KDM4D: variants seen among roughly 807,000 people sequenced by gnomAD.
The protein encoded by KDM4D is lysine demethylase 4D, also known as lysine-specific demethylase 4D.
For missense variants in KDM4D, 427 were observed against 674.8 expected, an observed-to-expected ratio of 0.63 and a Z score of 4.07; for synonymous variants, 254 against 249.1, an observed-to-expected ratio of 1.02 and a Z score of -0.19.
chr11:94,996,500 G>A (rs1258116928), intron 2 of KDM4D, among the ~76,000 whole-genome samples: 2 of 152,214 alleles, frequency 1.3e-5, no homozygotes, highest in Non-Finnish European at 2.9e-5. Flanking sequence ...ATGCAATTGT[G>A]TAATAGGTAT....
At chr11:94,980,908 T>C (rs1857837130) in intron 2 of KDM4D, among the ~76,000 whole-genome samples, 1 of 152,158 alleles carries the variant, frequency 6.6e-6, no homozygotes, top group African/African-American at 2.4e-5. Context: ...CCTTCTTTTT[T>C]CCTTGCCTTC....
At chr11:94,976,975 A>C (rs1255422433) in intron 2 of KDM4D, among the ~76,000 whole-genome samples, 2 of 152,210 alleles carry the variant, frequency 1.3e-5, no homozygotes, top group Non-Finnish European at 2.9e-5. Context: ...GCCAAAAACA[A>C]GTCAATAAAT....
rs781929797 is a variant in KDM4D, at chr11:94,998,078, C to T, written c.706C>T (p.Arg236Trp). The T allele has an allele frequency of 8.1e-6, 13 of 1,613,990 alleles. No homozygotes were observed. The highest frequency in any genetic ancestry group is 6.7e-5 in the Admixed American group (4 of 60,006). ...CAGGGAGCTCTTCCCAGGCAGTTCC[C>T]GGGGTTGTGGGGCCTTCCTGCGGCA... ...LARELFPGSS[R>W]GCGAFLRHKV... Residue 236 changes from arginine to tryptophan, a missense_variant, in exon 3 of 3, where the codon CGG (arginine) becomes TGG (tryptophan). Physicochemically the swap from Arg to Trp is moderately radical, Grantham distance 101. Coordinates refer to ENST00000335080, the MANE Select transcript of KDM4D (RefSeq NM_018039.3). The surrounding 1 kb of genome is among the most constrained non-coding windows in gnomAD (Gnocchi z 6.7).
rs1236304039 is a variant in KDM4D at position 94,987,369 on chromosome 11, G to A, written c.-349-9655G>A. On this transcript the variant is annotated intron_variant, in intron 2 of 2. Transcript: ENST00000335080. ...TGAAGCAAATTTGATAAAATATTAAGGTTTCAGTTCTGGCTGGTTGGAATG... is the reference window on the plus strand; with the variant it reads ...TGAAGCAAATTTGATAAAATATTAAAGTTTCAGTTCTGGCTGGTTGGAATG... Among the ~76,000 whole-genome samples the A allele has an allele frequency of 3.9e-5, 6 of 152,132 alleles. 1 individual carries two copies. The highest frequency in any genetic ancestry group is 8.8e-5 in the Non-Finnish European group (6 of 68,020).
intron 2 of KDM4D, 117 bp downstream of exon 2, chr11:94,975,865 A>C (rs1385472834): frequency 6.6e-6 from 1 of 152,184 alleles, no homozygotes; most frequent in African/African-American, 2.4e-5. Context: ...TTTATGTTCC[A>C]ACTGTCCTCA....
rs1555099556 is a variant in KDM4D, at chr11:94,998,428, A to C, written c.1056A>C (p.Val352=). 1 of 1,613,612 alleles carries C rather than the reference A, an allele frequency of 6.2e-7. No individual in the cohort carries two copies. Among genetic ancestry groups the C allele is most frequent in the African/African-American group, 1.3e-5 (1 of 74,982 alleles). The change falls in exon 3 of 3, where the codon GTA becomes GTC. Residue 352 remains valine, a synonymous_variant. Coordinates refer to ENST00000335080, the MANE Select transcript of KDM4D (RefSeq NM_018039.3). The surrounding 1 kb of genome is among the most constrained non-coding windows in gnomAD (Gnocchi z 6.7). ...TTGTGGACCACATGGAGCCCAGGGT[A>C]CCAGCCAGCCAAGAGCTGAGCACCC... is the stretch of plus-strand genomic sequence containing the variant. ...RAVVDHMEPR[V]PASQELSTQK...
At chr11:94,991,757 G>T (rs1555098706) in intron 2 of KDM4D, among the ~76,000 whole-genome samples, 1 of 150,338 alleles carries the variant, frequency 6.7e-6, no homozygotes, top group Admixed American at 6.6e-5. Flanking sequence ...AATAAGAGGA[G>T]TTAATACACA....
Position 94,998,499 on chromosome 11 carries a change from A to G in KDM4D, c.1127A>G (p.Gln376Arg). The change falls in exon 3 of 3, where the codon CAA (glutamine) becomes CGA (arginine). Residue 376 changes from glutamine to arginine, a missense_variant. Transcript: ENST00000335080. The surrounding 1 kb of genome is among the most constrained non-coding windows in gnomAD (Gnocchi z 6.7). ...LPRRAALGLR[Q>R]LPSHWARHSP... ...AGGAGAGCAGCGCTGGGCCTGAGAC[A>G]ACTCCCTTCCCACTGGGCCCGGCAT... 6.2e-7 allele frequency: 1 copy of G among 1,612,268 alleles called. No homozygotes were observed.
In KDM4D at chr11:94,999,460, TA is replaced by T. The variant is rs1331123043; in HGVS notation, c.*517del. On this transcript the variant is annotated 3_prime_UTR_variant, in exon 3 of 3. Transcript: ENST00000335080. ...TTCTGAGTTATTTATGTACTTAAAATATGTTGTCACAGTATTTGTTCCCAAA... is the reference window on the plus strand; with the variant it reads ...TTCTGAGTTATTTATGTACTTAAAATTGTTGTCACAGTATTTGTTCCCAAA... The T allele has an allele frequency of 6.0e-6, 1 of 166,600 alleles. No homozygotes were observed. The highest frequency in any genetic ancestry group is 2.4e-5 in the African/African-American group (1 of 41,472). The allele number at this position is 166,600 out of a possible 1,614,324, so 10.3% of individuals were successfully genotyped here.
rs1555099518 is a variant in KDM4D, at chr11:94,998,323, G to A, written c.951G>A (p.Val317=). ...ASQCSCGEAR[V]TFSMDAFVRI... The stretch of plus-strand genomic sequence containing the variant: ...AGTGTAGCTGTGGGGAGGCAAGGGT[G>A]ACCTTTTCCATGGATGCCTTCGTGC... The change falls in exon 3 of 3, where the codon GTG becomes GTA. Residue 317 remains valine, a synonymous_variant. Transcript: ENST00000335080. The surrounding 1 kb of genome is among the most constrained non-coding windows in gnomAD (Gnocchi z 6.7). The A allele has an allele frequency of 1.2e-6, 2 of 1,614,202 alleles. No individual in the cohort carries two copies. Among genetic ancestry groups the A allele is most frequent in the South Asian group, 1.1e-5 (1 of 91,082 alleles).
intron 2 of KDM4D, among the ~76,000 whole-genome samples, chr11:94,977,495 T>G (rs1413957895): frequency 3.9e-5 from 6 of 152,118 alleles, no homozygotes; most frequent in African/African-American, 1.4e-4. Flanking sequence ...CACTAGCTAT[T>G]TTCTCTGCCA....
At chr11:94,978,318 C>T (rs138473373) in intron 2 of KDM4D, among the ~76,000 whole-genome samples, 1,552 of 152,216 alleles carry the variant, frequency 0.01, 9 homozygotes, top group Non-Finnish European at 0.017. Context: ...AAAATGCCCA[C>T]ATGTCAGAAA....
chr11:94,991,493 C>T (rs587757040), intron 2 of KDM4D, among the ~76,000 whole-genome samples: 2 of 151,976 alleles, frequency 1.3e-5, no homozygotes, highest in East Asian at 3.9e-4. Context: ...AGAAATGCTC[C>T]CATGAAGCAA....
intron 2 of KDM4D, among the ~76,000 whole-genome samples, chr11:94,980,319 T>C (rs1297147908): frequency 6.6e-6 from 1 of 152,174 alleles, no homozygotes; most frequent in African/African-American, 2.4e-5. Context: ...AGAAGGGGCC[T>C]TGAAATCCGA....
At chr11:94,974,696 A>G (rs969694180) in intron 1 of KDM4D, among the ~76,000 whole-genome samples, 3 of 152,202 alleles carry the variant, frequency 2.0e-5, no homozygotes, top group Non-Finnish European at 2.9e-5. Context: ...CGGAGTGCCT[A>G]CTTAAATTCC....
chr11:94,980,327 C>T (rs1212272878), intron 2 of KDM4D, among the ~76,000 whole-genome samples: 5 of 152,058 alleles, frequency 3.3e-5, no homozygotes, highest in Admixed American at 2.6e-4. Flanking sequence ...CCTTGAAATC[C>T]GATGGAGCAG....
Position 94,998,827 on chromosome 11 carries a change from C to T in KDM4D, c.1455C>T (p.Gly485=), listed in dbSNP as rs2134117813. ...CGGGCACAACATGCACAGCTTCGGG[C>T]CCAGAACCTGAGCCCCTACCTGAGG... ...LLAGTTCTAS[G]PEPEPLPEDG... The change falls in exon 3 of 3, where the codon GGC becomes GGT. Residue 485 remains glycine, a synonymous_variant. Coordinates refer to ENST00000335080, the MANE Select transcript of KDM4D (RefSeq NM_018039.3). The surrounding 1 kb of genome is among the most constrained non-coding windows in gnomAD (Gnocchi z 6.7). The T allele has an allele frequency of 6.3e-7, 1 of 1,590,256 alleles. No homozygotes were observed.
At chr11:94,985,532 T>A (rs1259702409) in intron 2 of KDM4D, among the ~76,000 whole-genome samples, 4 of 152,126 alleles carry the variant, frequency 2.6e-5, no homozygotes, top group Non-Finnish European at 5.9e-5. Context: ...ATTGATGCAA[T>A]CCTACCATCA....
intron 2 of KDM4D, among the ~76,000 whole-genome samples, chr11:94,991,882 T>G (rs1369931524): frequency 6.6e-6 from 1 of 151,346 alleles, no homozygotes; most frequent in Non-Finnish European, 1.5e-5. Flanking sequence ...AAAAAAAGCT[T>G]CTATAAACGT....
Sources: gnomAD v4.1 joint callset for allele counts (sites outside exome capture counted in the v4.1 genomes callset) on GRCh38, gnomAD v4.1.1 for gene constraint, Gnocchi (gnomAD v3.1) non-coding constraint, MANE v1.5 for transcripts, NCBI Gene and HGNC (gene_info 2026-07-23, HGNC 2026-07-21) for gene names.